The following MAGI2 variants were observed in gnomAD, a reference collection of about 807,000 sequenced individuals.
MAGI2 encodes the protein membrane-associated guanylate kinase, WW and PDZ domain-containing protein 2.
Under a neutral mutation model 133.3 loss-of-function variants are expected in MAGI2, and 35 were observed. That is an observed-to-expected ratio of 0.26 (90% CI 0.20 to 0.35). MAGI2 has a LOEUF of 0.35. Among genes scored for constraint, MAGI2 ranks in the 10% least tolerant of loss-of-function variants. MAGI2 has a pLI of 1.00. For missense variants in MAGI2, 1,636 were observed against 1,863.4 expected (o/e 0.88, Z 2.25); for synonymous variants, 729 against 710.6 (o/e 1.03, Z -0.41).
chr7:79,308,490 A>C (rs73704148), intron 1 of MAGI2, among the ~76,000 whole-genome samples: 2,447 of 152,190 alleles, frequency 0.016, 55 homozygotes, highest in African/African-American at 0.057. Flanking sequence ...CCAAATACTA[A>C]TTTGTCCAAG....
Position 78,455,867 on chromosome 7 carries a change from G to T in MAGI2, c.1045+33894C>A, listed in dbSNP as rs376115967. ...GTCTACCTATTTTTTGTTTACAAAA[G>T]CTACCCACATTTGCCCTTTTAGGAA... On this transcript the variant is annotated intron_variant, in intron 6 of 21. Transcript: ENST00000354212. Among the ~76,000 whole-genome samples, 31 of 152,002 alleles carry T rather than the reference G, an allele frequency of 2.0e-4. 1 individual carries two copies. Among genetic ancestry groups the T allele is most frequent in the Middle Eastern group, 6.8e-3 (2 of 292 alleles).
In MAGI2 at chr7:78,877,349, A is replaced by C. The variant is rs1006347820; in HGVS notation, c.418+129741T>G. Among the ~76,000 whole-genome samples the C allele has an allele frequency of 2.0e-5, 3 of 152,348 alleles. No homozygotes were observed. The South Asian group carries it at 6.2e-4, about 32-fold the overall frequency. On this transcript the variant is annotated intron_variant, in intron 2 of 21. Transcript: ENST00000354212. ...TGGAAGTCTACAATTGATATGACTC[A>C]AGTGTATTCAAGTAAGCTATTTTGG...
At chr7:79,141,097 A>G (rs565185258) in intron 1 of MAGI2, among the ~76,000 whole-genome samples, 1 of 152,208 alleles carries the variant, frequency 6.6e-6, no homozygotes, top group Non-Finnish European at 1.5e-5. Context: ...TCCTACATTT[A>G]TCAAATTAAA....
At chr7:78,220,649 T>C (rs1788718539) in intron 10 of MAGI2, among the ~76,000 whole-genome samples, 1 of 151,344 alleles carries the variant, frequency 6.6e-6, no homozygotes, top group Non-Finnish European at 1.5e-5. Context: ...AACCAGCTTA[T>C]ATTTTAGCAT....
At chr7:78,733,223 A>G (rs1563426596) in intron 2 of MAGI2, among the ~76,000 whole-genome samples, 1 of 152,192 alleles carries the variant, frequency 6.6e-6, no homozygotes, top group Admixed American at 6.5e-5. Context: ...AAAAGCCTTT[A>G]CTAGTTCTTA....
intron 1 of MAGI2, among the ~76,000 whole-genome samples, chr7:79,288,058 A>G (rs1326050885): frequency 6.6e-6 from 1 of 152,154 alleles, no homozygotes; most frequent in African/African-American, 2.4e-5. Context: ...CAACGCATAT[A>G]TATGTGTGTG....
intron 2 of MAGI2, among the ~76,000 whole-genome samples, chr7:78,798,689 C>T (rs1408772204): frequency 3.9e-5 from 6 of 152,114 alleles, no homozygotes; most frequent in Non-Finnish European, 8.8e-5. Flanking sequence ...CGGCCCATTC[C>T]TTTCTTTGAC....
At chr7:78,566,803 A>G (rs573283333) in intron 3 of MAGI2, among the ~76,000 whole-genome samples, 123 of 152,284 alleles carry the variant, frequency 8.1e-4, no homozygotes, top group Admixed American at 1.7e-3. Flanking sequence ...CATTGATAAT[A>G]ATATATAAAA....
At chr7:79,431,546 G>A (rs1039679001) in intron 1 of MAGI2, among the ~76,000 whole-genome samples, 34 of 152,130 alleles carry the variant, frequency 2.2e-4, no homozygotes, top group African/African-American at 8.0e-4. Context: ...TTTTATGGTT[G>A]TCAATGGTGT....
At chr7:78,249,747 C>T (rs190901958) in intron 10 of MAGI2, among the ~76,000 whole-genome samples, 151 of 151,976 alleles carry the variant, frequency 9.9e-4, no homozygotes, top group Non-Finnish European at 1.8e-3. Flanking sequence ...ACAAAGGATA[C>T]GAAGTTACTG....
At chr7:78,957,090 C>T (rs562492892) in intron 2 of MAGI2, among the ~76,000 whole-genome samples, 9 of 151,548 alleles carry the variant, frequency 5.9e-5, no homozygotes, top group African/African-American at 1.9e-4. Context: ...AGGGTGAAAC[C>T]CTGTCTCTAC....
At chr7:78,275,284 C>T (rs1283449328) in intron 9 of MAGI2, among the ~76,000 whole-genome samples, 1 of 152,170 alleles carries the variant, frequency 6.6e-6, no homozygotes, top group Non-Finnish European at 1.5e-5. Flanking sequence ...CACCCACTGT[C>T]CAACCAGTCC....
chr7:78,384,169 G>T (rs1795177081), intron 6 of MAGI2, among the ~76,000 whole-genome samples: 1 of 152,026 alleles, frequency 6.6e-6, no homozygotes, highest in African/African-American at 2.4e-5. Flanking sequence ...CCCTGAATCT[G>T]TAGATTGGTT....
intron 2 of MAGI2, among the ~76,000 whole-genome samples, chr7:78,688,680 A>G (rs1816639547): frequency 6.6e-6 from 1 of 152,212 alleles, no homozygotes; most frequent in Admixed American, 6.5e-5. Context: ...AACATGAACA[A>G]TAAGCACTGG....
intron 3 of MAGI2, among the ~76,000 whole-genome samples, chr7:78,563,004 T>C (rs1028387072): frequency 1.3e-5 from 2 of 151,764 alleles, no homozygotes; most frequent in African/African-American, 4.8e-5. Context: ...GTTGTTTTTT[T>C]TTTTTAATGA....
chr7:78,979,321 TTCCA>T (rs1371880414), intron 2 of MAGI2, among the ~76,000 whole-genome samples: 1 of 151,586 alleles, frequency 6.6e-6, no homozygotes. Context: ...CATCTTGATT[TTCCA>T]GAATTTAAGA....
chr7:78,161,470 T>C (rs564269768), intron 15 of MAGI2, among the ~76,000 whole-genome samples: 4 of 152,206 alleles, frequency 2.6e-5, no homozygotes, highest in African/African-American at 9.6e-5. Flanking sequence ...ATAATCACCA[T>C]TAATTATTCC....
intron 7 of MAGI2, among the ~76,000 whole-genome samples, chr7:78,354,768 A>G (rs1445932204): frequency 6.6e-6 from 1 of 152,222 alleles, no homozygotes; most frequent in Non-Finnish European, 1.5e-5. Context: ...AACACAAAAA[A>G]TTAAGAAAAA....
chr7:78,799,963 T>A (rs939560492), intron 2 of MAGI2, among the ~76,000 whole-genome samples: 1 of 152,176 alleles, frequency 6.6e-6, no homozygotes, highest in African/African-American at 2.4e-5. Flanking sequence ...ATTTTACCAT[T>A]TAGAACACCT....
Sources: allele counts gnomAD v4.1 joint callset (sites outside exome capture counted in the v4.1 genomes callset), GRCh38; gene constraint gnomAD v4.1.1; transcripts MANE v1.5; gene names NCBI Gene and HGNC (gene_info 2026-07-23, HGNC 2026-07-21).